ABR: variants seen among roughly 807,000 people sequenced by gnomAD.
The protein encoded by ABR is active breakpoint cluster region-related protein.
A neutral mutation model predicts 107.2 loss-of-function variants in ABR; 35 were observed. The observed-to-expected ratio is 0.33, with a 90% CI of 0.25 to 0.43. The LOEUF is 0.43. Ranked by LOEUF, ABR falls within the 20% of genes least tolerant of loss-of-function variation. The pLI is 1.00. For synonymous variants in ABR, 498 were observed against 462.0 expected (o/e 1.08, Z -1.00); for missense variants, 815 against 1,115.2 (o/e 0.73, Z 3.83).
At chr17:1,217,647 C>T (rs1452573895) in intron 1 of ABR, among the ~76,000 whole-genome samples, 5 of 152,268 alleles carry the variant, frequency 3.3e-5, no homozygotes, top group South Asian at 2.1e-4. Context: ...GTGGCAGAGC[C>T]GTGAATCGAA....
chr17:1,091,811 G>C lies in ABR; in HGVS notation c.385C>G (p.Pro129Ala). ...PLKATATTSQ[P>A]VLTIQQIETI... ...TCGATCTGCTGGATGGTGAGCACGG[G>C]CTGGGAGGTGGTGGCGGTGGCCTTC... is the stretch of plus-strand genomic sequence containing the variant. Residue 129 changes from proline to alanine, a missense_variant, in exon 4 of 23, where the codon CCC (proline) becomes GCC (alanine). Pro to Ala is a conservative substitution (Grantham distance 27). This residue lies in a region of ABR where 385 missense variants were observed against 596.9 expected (regional missense o/e 0.64). Transcript: ENST00000302538. The C allele has an allele frequency of 6.2e-7, 1 of 1,614,062 alleles. No homozygotes were observed. The highest frequency in any genetic ancestry group is 8.5e-7 in the Non-Finnish European group (1 of 1,179,982).
At position 1,092,499 on chromosome 17, in the gene ABR, C is replaced by A. The variant is rs575650422; in HGVS notation, c.346-649G>T. Among the ~76,000 whole-genome samples, 1 of 152,278 alleles carries A rather than the reference C, an allele frequency of 6.6e-6. No homozygotes were observed. The highest frequency in any genetic ancestry group is 2.4e-5 in the African/African-American group (1 of 41,556). On this transcript the variant is annotated intron_variant, in intron 3 of 22. Transcript: ENST00000302538. The surrounding 1 kb of genome is among the most constrained non-coding windows in gnomAD (Gnocchi z 4.6). Reference sequence around the variant, plus strand: ...AGACTCTTTCTCAATGCCTGCCTGTCTATACCAAGATGCTCCAGGGCCTGC... The same window carrying A: ...AGACTCTTTCTCAATGCCTGCCTGTATATACCAAGATGCTCCAGGGCCTGC...
At chr17:1,166,909 G>A (rs1029336580) in intron 1 of ABR, among the ~76,000 whole-genome samples, 22 of 152,188 alleles carry the variant, frequency 1.4e-4, no homozygotes, top group South Asian at 2.1e-4. Flanking sequence ...GGCTGAGGCA[G>A]GAGAATCGCT....
At chr17:1,025,349 C>T (rs2072107343) in intron 16 of ABR, among the ~76,000 whole-genome samples, 1 of 151,528 alleles carries the variant, frequency 6.6e-6, no homozygotes, top group African/African-American at 2.4e-5. Context: ...AATAAATAAA[C>T]AGTGTGAATA....
intron 4 of ABR, 150 bp downstream of exon 4, chr17:1,091,515 A>G: frequency 1.1e-6 from 1 of 890,622 alleles, no homozygotes; most frequent in Non-Finnish European, 1.7e-6. Context: ...ACCCCATAAC[A>G]CACAGGCCCA....
rs2069850815 is a variant in ABR at position 1,004,126 on chromosome 17, C to G, written c.*1954G>C. The G allele has an allele frequency of 6.6e-6, 1 of 152,246 alleles. No homozygotes were observed. The highest frequency in any genetic ancestry group is 1.5e-5 in the Non-Finnish European group (1 of 68,044). 9.4% of individuals were successfully genotyped at this position (152,246 alleles called of 1,614,324 possible). A position where few individuals can be genotyped will look rare whatever the true frequency, so the allele number is the denominator to read the frequency against. Reference sequence around the variant, plus strand: ...TCACTCTGCCCCTTCCTGTCCATCACTTTGGAAGCAAGCAGGAGCCTTCTG... The same window carrying G: ...TCACTCTGCCCCTTCCTGTCCATCAGTTTGGAAGCAAGCAGGAGCCTTCTG... On this transcript the variant is annotated 3_prime_UTR_variant, in exon 23 of 23. Coordinates refer to ENST00000302538, the MANE Select transcript of ABR (RefSeq NM_021962.5).
At chr17:1,012,339 G>A in intron 18 of ABR, 1 of 641,072 alleles carries the variant, frequency 1.6e-6, no homozygotes, top group Non-Finnish European at 2.9e-6. Context: ...CCAGGGTGGT[G>A]GTGAACCGGG....
At chr17:1,009,200 TTC>T (rs750319127) in intron 21 of ABR, among the ~76,000 whole-genome samples, 2 of 56,962 alleles carry the variant, frequency 3.5e-5, no homozygotes, top group African/African-American at 9.9e-5. Context: ...CTGCTGTCCA[TTC>T]CCCCACTGCT....
chr17:1,009,897 T>C, intron 20 of ABR, 113 bp from the exon 21 acceptor site: 1 of 915,644 alleles, frequency 1.1e-6, no homozygotes, highest in Admixed American at 2.0e-5. Context: ...TCCAGGCCTT[T>C]GGGGAGCAGA....
chr17:1,038,828 C>T (rs2073394561), intron 16 of ABR, among the ~76,000 whole-genome samples: 1 of 152,266 alleles, frequency 6.6e-6, no homozygotes, highest in South Asian at 2.1e-4. Context: ...TCTGTGGCAT[C>T]CTTCTCTTGA....
At position 1,073,945 on chromosome 17, in the gene ABR, G is replaced by A. The variant is rs539195848; in HGVS notation, c.701-268C>T. 3.6e-3 allele frequency among the ~76,000 whole-genome samples: 539 copies of A among 149,330 alleles called. 4 individuals are homozygous for A. Among genetic ancestry groups the A allele is most frequent in the African/African-American group, 0.011 (443 of 40,370 alleles). ...ATCAGACATGGCTTCATCGAGAGCC[G>A]CCCCGCCCCCCTCCCCAGGCCTGTC... On this transcript the variant is annotated intron_variant, in intron 6 of 22. Transcript: ENST00000302538.
Position 1,157,092 on chromosome 17 carries a change from T to C in ABR, c.61+22575A>G, listed in dbSNP as rs1487051031. Reference sequence around the variant, plus strand: ...CGCCAGGAGGCAGGCACTAATATTATCTCAATTTTACGGATGAGGAAACCG... The same window carrying C: ...CGCCAGGAGGCAGGCACTAATATTACCTCAATTTTACGGATGAGGAAACCG... On this transcript the variant is annotated intron_variant, in intron 1 of 22. Coordinates refer to ENST00000302538, the MANE Select transcript of ABR (RefSeq NM_021962.5). The surrounding 1 kb of genome is among the most constrained non-coding windows in gnomAD (Gnocchi z 4.7). Among the ~76,000 whole-genome samples, 3 of 152,098 alleles carry C rather than the reference T, an allele frequency of 2.0e-5. No homozygotes were observed. Among genetic ancestry groups the C allele is most frequent in the South Asian group, 2.1e-4 (1 of 4,826 alleles).
At chr17:1,146,124 A>G (rs1279244275) in intron 1 of ABR, among the ~76,000 whole-genome samples, 2 of 152,172 alleles carry the variant, frequency 1.3e-5, no homozygotes, top group African/African-American at 4.8e-5. Flanking sequence ...GGACGTGCCC[A>G]GGTTAGCCTC....
At chr17:1,069,255 G>A (rs12937616) in intron 9 of ABR, among the ~76,000 whole-genome samples, 28,101 of 152,146 alleles carry the variant, frequency 0.18, 3,003 homozygotes, top group South Asian at 0.25. Flanking sequence ...TCATGCTTCA[G>A]TGGGGGACGG....
In ABR at chr17:1,071,408, C is replaced by T. The variant is rs149067655; in HGVS notation, c.894+1206G>A. Among the ~76,000 whole-genome samples, 198 of 152,290 alleles carry T rather than the reference C, an allele frequency of 1.3e-3. No homozygotes were observed. The highest frequency in any genetic ancestry group is 6.8e-3 in the Middle Eastern group (2 of 294). ...GACACCCTGTCAGCCTCACTCGTAA[C>T]GGCCGCCTAATGGCCTCCCCTGGAC... On this transcript the variant is annotated intron_variant, in intron 8 of 22. Coordinates refer to ENST00000302538, the MANE Select transcript of ABR (RefSeq NM_021962.5). This position sits in a 1 kb window ranked among gnomAD's most constrained non-coding sequence, Gnocchi z 5.1.
chr17:1,143,745 C>T (rs2040414445), intron 1 of ABR, among the ~76,000 whole-genome samples: 1 of 152,140 alleles, frequency 6.6e-6, no homozygotes, highest in African/African-American at 2.4e-5. Flanking sequence ...CCTGGAGAAG[C>T]TCAGGGCTCC....
chr17:1,045,510 A>AC (rs2031455217), intron 16 of ABR, among the ~76,000 whole-genome samples: 2 of 152,244 alleles, frequency 1.3e-5, no homozygotes, highest in African/African-American at 4.8e-5. Context: ...GCAGCAGGAC[A>AC]TCTAGAAATG....
chr17:1,166,248 G>A (rs748647553), intron 1 of ABR, among the ~76,000 whole-genome samples: 1 of 152,150 alleles, frequency 6.6e-6, no homozygotes, highest in Non-Finnish European at 1.5e-5. Context: ...GAGCTTTTCT[G>A]TGAGCAGGGA....
chr17:1,083,465 G>T, intron 5 of ABR, 55 bp downstream of exon 5: 1 of 1,359,444 alleles, frequency 7.4e-7, no homozygotes, highest in Non-Finnish European at 1.0e-6. Flanking sequence ...CAAGGGCTCT[G>T]AGCAGCCCCC....
Sources: gnomAD v4.1 joint callset for allele counts (sites outside exome capture counted in the v4.1 genomes callset) on GRCh38, gnomAD v4.1.1 for gene constraint, gnomAD v4.1.1 regional missense constraint, Gnocchi (gnomAD v3.1) non-coding constraint, MANE v1.5 for transcripts, NCBI Gene and HGNC (gene_info 2026-07-23, HGNC 2026-07-21) for gene names.